The following ELP3 variants were observed in gnomAD, a reference collection of about 807,000 sequenced individuals.
The protein encoded by ELP3 is elongator complex protein 3.
In ELP3, 56 loss-of-function variants were observed where a neutral mutation model predicts 74.9. The observed-to-expected ratio is 0.75, with a 90% CI of 0.60 to 0.93. ELP3 has a LOEUF of 0.93. Among genes scored for constraint, ELP3 ranks in the 40% least tolerant of loss-of-function variants. The pLI, the probability that ELP3 is intolerant of heterozygous loss-of-function variation, is 0.00. For synonymous variants in ELP3, 222 were observed against 239.8 expected (o/e 0.93, Z 0.68); for missense variants, 573 against 686.5 (o/e 0.83, Z 1.85).
chr8:28,125,346 A>G (rs987987553), intron 7 of ELP3, among the ~76,000 whole-genome samples: 1 of 152,210 alleles, frequency 6.6e-6, no homozygotes, highest in Admixed American at 6.5e-5. Context: ...ATGTCCACAC[A>G]GGGAATGTTC....
intron 7 of ELP3, among the ~76,000 whole-genome samples, chr8:28,119,572 T>A (rs781083363): frequency 3.2e-4 from 15 of 46,756 alleles, no homozygotes; most frequent in Non-Finnish European, 4.0e-4. Context: ...TTGTGGCGTT[T>A]TATATATATA....
At chr8:28,126,986 A>G (rs1040569835) in intron 7 of ELP3, among the ~76,000 whole-genome samples, 3 of 152,246 alleles carry the variant, frequency 2.0e-5, no homozygotes, top group Admixed American at 6.5e-5. Context: ...AAGAGGAAAT[A>G]TAGTGAAAGC....
intron 14 of ELP3, among the ~76,000 whole-genome samples, chr8:28,165,860 GTTTA>G (rs969427766): frequency 6.6e-6 from 1 of 152,062 alleles, no homozygotes; most frequent in Non-Finnish European, 1.5e-5. Flanking sequence ...AGTAGACTTT[GTTTA>G]TAGGTATATA....
In ELP3 at chr8:28,110,251, G is replaced by C. The variant is rs532227835; in HGVS notation, c.394-119G>C. On this transcript the variant is annotated intron_variant, in intron 5 of 14. Transcript: ENST00000256398. ...GACAAGACTGAGAAAAATTAATGCG[G>C]GTACAAGCCACGTTTTCAGTGTTCG... 5.8e-6 allele frequency: 5 copies of C among 861,416 alleles called. No homozygotes were observed. The African/African-American group carries it at 8.7e-5, about 15-fold the overall frequency. The allele number at this position is 861,416 out of a possible 1,614,324, so 53.4% of individuals were successfully genotyped here.
At chr8:28,145,412 T>C (rs948172344) in intron 10 of ELP3, among the ~76,000 whole-genome samples, 3 of 152,240 alleles carry the variant, frequency 2.0e-5, no homozygotes, top group Admixed American at 2.0e-4. Context: ...TTCCAGGATA[T>C]TTAGTCCAGA....
intron 3 of ELP3, among the ~76,000 whole-genome samples, chr8:28,101,050 G>A (rs925651654): frequency 1.1e-4 from 16 of 152,122 alleles, no homozygotes; most frequent in Admixed American, 2.6e-4. Flanking sequence ...TACATACAAT[G>A]TACCACCAAA....
At chr8:28,168,585 G>A (rs1814400356) in intron 14 of ELP3, among the ~76,000 whole-genome samples, 1 of 152,198 alleles carries the variant, frequency 6.6e-6, no homozygotes, top group Non-Finnish European at 1.5e-5. Context: ...GAAGCTTTGA[G>A]ATGAATGACT....
At chr8:28,181,678 G>A (rs1437939849) in intron 14 of ELP3, among the ~76,000 whole-genome samples, 1 of 152,224 alleles carries the variant, frequency 6.6e-6, no homozygotes, top group Non-Finnish European at 1.5e-5. Context: ...CCAGAGTCAG[G>A]GGAGTTGAGT....
chr8:28,102,274 T>G (rs1277183026), intron 3 of ELP3, among the ~76,000 whole-genome samples: 1 of 152,212 alleles, frequency 6.6e-6, no homozygotes, highest in Non-Finnish European at 1.5e-5. Context: ...TAACCAAAAC[T>G]AATACCAGAC....
chr8:28,151,941 G>A (rs765268956), intron 10 of ELP3, among the ~76,000 whole-genome samples: 14 of 152,142 alleles, frequency 9.2e-5, no homozygotes, highest in South Asian at 2.1e-4. Flanking sequence ...TGGCCCATCC[G>A]GAGTGTTTAA....
chr8:28,093,058 C>A, upstream of ELP3: 5 of 1,203,330 alleles, frequency 4.2e-6, no homozygotes, highest in Non-Finnish European at 6.0e-6. Context: ...CGGGGCGGGG[C>A]GTGGCTTTGT....
At chr8:28,135,730 A>G (rs887383234) in intron 9 of ELP3, among the ~76,000 whole-genome samples, 5 of 152,046 alleles carry the variant, frequency 3.3e-5, no homozygotes, top group African/African-American at 1.2e-4. Flanking sequence ...CATCCTGCCC[A>G]GTTCTTGGTA....
intron 3 of ELP3, 146 bp downstream of exon 3, chr8:28,100,112 A>C: frequency 1.0e-6 from 1 of 971,564 alleles, no homozygotes; most frequent in East Asian, 2.5e-5. Context: ...GCTGGAGTGG[A>C]GACCTGTGCT....
chr8:28,167,236 C>CA (rs1266061153), intron 14 of ELP3, among the ~76,000 whole-genome samples: 1 of 152,172 alleles, frequency 6.6e-6, no homozygotes, highest in East Asian at 1.9e-4. Context: ...AACTACATCA[C>CA]AGTGCCTCCT....
At chr8:28,100,418 A>C (rs890146709) in intron 3 of ELP3, among the ~76,000 whole-genome samples, 23 of 152,372 alleles carry the variant, frequency 1.5e-4, no homozygotes, top group Admixed American at 1.2e-3. Context: ...GAAAGCACAC[A>C]GCTTGCTTGA....
rs73226797 is a variant in ELP3, at chr8:28,154,344, G to A, written c.1101-1598G>A. 5.0e-3 allele frequency among the ~76,000 whole-genome samples: 761 copies of A among 152,260 alleles called. 4 individuals carry two copies. The highest frequency in any genetic ancestry group is 5.7e-3 in the Non-Finnish European group (388 of 68,028). ...ATTCACTAATTCAGTATTCACAACA[G>A]CACAACTATCATGAATAACAAGAAT... On this transcript the variant is annotated intron_variant, in intron 10 of 14. Transcript: ENST00000256398.
chr8:28,183,651 C>T (rs141284067), intron 14 of ELP3, among the ~76,000 whole-genome samples: 1,551 of 152,268 alleles, frequency 0.01, 27 homozygotes, highest in African/African-American at 0.035. Context: ...TCTCGAACTC[C>T]TGAGCTCAGG....
intron 2 of ELP3, 122 bp from the exon 3 acceptor site, chr8:28,099,706 T>C (rs1811395227): frequency 9.2e-7 from 1 of 1,086,382 alleles, no homozygotes; most frequent in Non-Finnish European, 1.4e-6. Flanking sequence ...AAAACTATCC[T>C]TGTCACGTGG....
intron 7 of ELP3, among the ~76,000 whole-genome samples, chr8:28,123,279 A>G (rs1021817920): frequency 2.0e-5 from 3 of 152,172 alleles, no homozygotes. Context: ...TGATCCATGG[A>G]ATGTATAGGA....
Sources: allele counts gnomAD v4.1 joint callset (sites outside exome capture counted in the v4.1 genomes callset), GRCh38; gene constraint gnomAD v4.1.1; transcripts MANE v1.5; gene names NCBI Gene and HGNC (gene_info 2026-07-23, HGNC 2026-07-21).